Variants in NPAS3 observed in about 807,000 individuals in gnomAD.
NPAS3 encodes neuronal PAS domain protein 3.
In NPAS3, 14 loss-of-function variants were observed where a neutral mutation model predicts 73.1. That is an observed-to-expected ratio of 0.19 (90% confidence interval 0.13 to 0.30). The LOEUF (loss-of-function observed/expected upper bound fraction) is 0.30, where lower values mean the gene tolerates loss of function less well. Among genes scored for constraint, NPAS3 ranks in the 10% least tolerant of loss-of-function variants. The pLI is 1.00. For missense variants in NPAS3, 1,096 were observed against 1,250.0 expected (o/e 0.88, Z 1.86); for synonymous variants, 620 against 541.5 (o/e 1.14, Z -2.01).
At chr14:33,665,396 C>G (rs1228713506) in intron 5 of NPAS3, among the ~76,000 whole-genome samples, 1 of 152,084 alleles carries the variant, frequency 6.6e-6, no homozygotes, top group African/African-American at 2.4e-5. Flanking sequence ...TATACCTATA[C>G]AACAAACCTG....
chr14:33,587,652 A>C (rs572854792), intron 5 of NPAS3, among the ~76,000 whole-genome samples: 2 of 152,280 alleles, frequency 1.3e-5, no homozygotes, highest in African/African-American at 4.8e-5. Context: ...ACCTATCACT[A>C]AGTATATTCT....
chr14:33,323,331 C>G (rs2043543870), intron 3 of NPAS3, among the ~76,000 whole-genome samples: 2 of 152,124 alleles, frequency 1.3e-5, no homozygotes, highest in Admixed American at 6.5e-5. Context: ...TAATCTCTTT[C>G]CTCTTTGTTG....
chr14:33,341,025 G>T (rs1349509244), intron 3 of NPAS3, among the ~76,000 whole-genome samples: 3 of 152,118 alleles, frequency 2.0e-5, no homozygotes, highest in Non-Finnish European at 4.4e-5. Flanking sequence ...CACTTTTCAT[G>T]TGTAGTATGT....
intron 7 of NPAS3, among the ~76,000 whole-genome samples, chr14:33,768,829 T>G (rs1380103177): frequency 6.6e-6 from 1 of 152,234 alleles, no homozygotes; most frequent in East Asian, 1.9e-4. Flanking sequence ...TTTTATAGTT[T>G]CATGGCTCTT....
At chr14:33,091,098 A>G (rs1269049656) in intron 2 of NPAS3, among the ~76,000 whole-genome samples, 1 of 152,194 alleles carries the variant, frequency 6.6e-6, no homozygotes, top group Non-Finnish European at 1.5e-5. Flanking sequence ...GCAAAAGCAA[A>G]CACATTCAAA....
At chr14:33,369,511 A>G (rs1466082364) in intron 4 of NPAS3, among the ~76,000 whole-genome samples, 1 of 151,968 alleles carries the variant, frequency 6.6e-6, no homozygotes, top group East Asian at 1.9e-4. Flanking sequence ...TTATGTCCAT[A>G]CAAGAAAACT....
At chr14:33,715,746 A>T (rs1419140358) in intron 6 of NPAS3, among the ~76,000 whole-genome samples, 1 of 152,150 alleles carries the variant, frequency 6.6e-6, no homozygotes, top group Non-Finnish European at 1.5e-5. Flanking sequence ...CCCAAATCTC[A>T]TCTTAACTGT....
At chr14:33,169,395 C>T (rs887389937) in intron 2 of NPAS3, among the ~76,000 whole-genome samples, 8 of 152,232 alleles carry the variant, frequency 5.3e-5, no homozygotes, top group African/African-American at 1.7e-4. Flanking sequence ...TGGCAAAACC[C>T]CCTCTCTACT....
intron 10 of NPAS3, 77 bp downstream of exon 10, chr14:33,794,121 C>T (rs898578392): frequency 3.5e-5 from 45 of 1,288,974 alleles, no homozygotes; most frequent in African/African-American, 2.2e-4. Context: ...GGTTAATAGC[C>T]GACATGTTGT....
chr14:33,380,766 C>T (rs776842439), intron 4 of NPAS3, among the ~76,000 whole-genome samples: 2 of 152,118 alleles, frequency 1.3e-5, no homozygotes, highest in Non-Finnish European at 2.9e-5. Context: ...AGAGGAGCCT[C>T]GTTGAATTCC....
intron 3 of NPAS3, among the ~76,000 whole-genome samples, chr14:33,340,316 G>A (rs1237847074): frequency 2.6e-5 from 4 of 152,222 alleles, no homozygotes; most frequent in South Asian, 4.1e-4. Context: ...CCAACATGGC[G>A]AAACCCTGTC....
At chr14:33,268,397 T>G (rs2040915113) in intron 3 of NPAS3, among the ~76,000 whole-genome samples, 1 of 152,238 alleles carries the variant, frequency 6.6e-6, no homozygotes, top group Non-Finnish European at 1.5e-5. Context: ...GACATAATTA[T>G]GTAAAATTAT....
chr14:33,768,388 TG>T (rs2062533415), intron 7 of NPAS3, among the ~76,000 whole-genome samples: 1 of 152,200 alleles, frequency 6.6e-6, no homozygotes, highest in Non-Finnish European at 1.5e-5. Context: ...CAGATTAAGA[TG>T]AACTTTTTGA....
At chr14:33,450,014 G>A (rs888894375) in intron 4 of NPAS3, among the ~76,000 whole-genome samples, 2 of 152,148 alleles carry the variant, frequency 1.3e-5, no homozygotes, top group Admixed American at 1.3e-4. Flanking sequence ...CACAGACAGC[G>A]CTGAGTACAA....
intron 4 of NPAS3, among the ~76,000 whole-genome samples, chr14:33,438,189 A>G (rs533468858): frequency 6.6e-6 from 1 of 152,332 alleles, no homozygotes; most frequent in South Asian, 2.1e-4. Context: ...CATAAATGAT[A>G]ATGTGATTTC....
intron 1 of NPAS3, among the ~76,000 whole-genome samples, chr14:33,018,103 C>G (rs1161712973): frequency 6.6e-6 from 1 of 152,022 alleles, no homozygotes; most frequent in African/African-American, 2.4e-5. Flanking sequence ...GTATCTTTTT[C>G]TTTTTCTCCA....
chr14:33,227,468 AT>A (rs1384902140), intron 3 of NPAS3, among the ~76,000 whole-genome samples: 4 of 152,312 alleles, frequency 2.6e-5, no homozygotes, highest in East Asian at 3.9e-4. Context: ...CTTAAACAAC[AT>A]TTGAAAAAAA....
rs191432983 is a variant in NPAS3 at position 33,562,776 on chromosome 14, T to C, written c.558+2566T>C. On this transcript the variant is annotated intron_variant, in intron 5 of 11. Coordinates refer to ENST00000356141, the Ensembl canonical transcript of NPAS3. ...CCCAGTTTGAGTCCTAATAGAGAAA[T>C]AGAGGTCCCCAAGATACAACTCTTT... 1.3e-4 allele frequency among the ~76,000 whole-genome samples: 20 copies of C among 152,186 alleles called. No homozygotes were observed. The East Asian group carries it at 2.5e-3, about 19-fold the overall frequency.
intron 5 of NPAS3, among the ~76,000 whole-genome samples, chr14:33,630,157 GACCATT>G (rs752524131): frequency 6.6e-6 from 1 of 152,120 alleles, no homozygotes; most frequent in Non-Finnish European, 1.5e-5. Context: ...GCACCATTTA[GACCATT>G]ACCAAGTCAA....
Sources: gnomAD v4.1 joint callset for allele counts (sites outside exome capture counted in the v4.1 genomes callset) on GRCh38, gnomAD v4.1.1 for gene constraint, MANE v1.5 for transcripts, NCBI Gene and HGNC (gene_info 2026-07-23, HGNC 2026-07-21) for gene names.